KLHL26: variants seen among roughly 807,000 people sequenced by gnomAD.
KLHL26 encodes kelch like family member 26.
Under a neutral mutation model 7.1 loss-of-function variants are expected in KLHL26, and 4 were observed. That is an observed-to-expected ratio of 0.56 (90% CI 0.28 to 1.28). The LOEUF (loss-of-function observed/expected upper bound fraction) is 1.28, where lower values mean the gene tolerates loss of function less well. KLHL26 is among the 50% of genes most tolerant of loss of function. The probability of loss-of-function intolerance (pLI) is 0.11; values close to 1 mark genes in which losing one functional copy is unlikely to be tolerated. For missense variants in KLHL26, 896 were observed against 924.6 expected, an observed-to-expected ratio of 0.97 and a Z score of 0.40; for synonymous variants, 465 against 414.1, an observed-to-expected ratio of 1.12 and a Z score of -1.49.
intron 1 of KLHL26, among the ~76,000 whole-genome samples, chr19:18,654,296 C>T (rs2052302155): frequency 6.7e-6 from 1 of 149,666 alleles, no homozygotes; most frequent in South Asian, 2.1e-4. Flanking sequence ...CATCCACCTG[C>T]CTACCACTAT....
At chr19:18,647,361 C>G (rs537404127) in intron 1 of KLHL26, among the ~76,000 whole-genome samples, 1 of 152,188 alleles carries the variant, frequency 6.6e-6, no homozygotes, top group Admixed American at 6.5e-5. Flanking sequence ...ACCTCCCCCA[C>G]GGCGATTACT....
intron 1 of KLHL26, among the ~76,000 whole-genome samples, chr19:18,663,768 G>A (rs894318384): frequency 4.0e-5 from 6 of 150,506 alleles, no homozygotes; most frequent in African/African-American, 1.2e-4. Flanking sequence ...GGGTGGTGGG[G>A]CTGGAGAAGA....
intron 1 of KLHL26, chr19:18,659,811 T>G (rs1600702738): frequency 6.6e-6 from 1 of 152,246 alleles, no homozygotes; most frequent in Non-Finnish European, 1.5e-5. Flanking sequence ...CTTGTCCCCC[T>G]AGGCAGCCCC....
intron 1 of KLHL26, among the ~76,000 whole-genome samples, chr19:18,641,316 CTTT>C (rs61471216): frequency 1.9e-5 from 2 of 105,136 alleles, no homozygotes; most frequent in Non-Finnish European, 1.9e-5. Context: ...GTTGGGTTGC[CTTT>C]TTTTTTTTTT....
Position 18,671,668 on chromosome 19 carries a change from T to C in KLHL26, c.*2423T>C, listed in dbSNP as rs1291446997. 1.3e-5 allele frequency: 2 copies of C among 152,102 alleles called. No homozygotes were observed. Among genetic ancestry groups the C allele is most frequent in the Non-Finnish European group, 2.9e-5 (2 of 68,018 alleles). The allele number at this position is 152,102 out of a possible 1,614,324, so 9.4% of individuals were successfully genotyped here. A position where few individuals can be genotyped will look rare whatever the true frequency, so the allele number is the denominator to read the frequency against. ...GCATCCCCCCAAGAAAGGAAAATTA[T>C]TTTTCGTATTGTAAACTTTAAACAT... On this transcript the variant is annotated 3_prime_UTR_variant, in exon 3 of 3. Transcript: ENST00000300976.
At position 18,648,652 on chromosome 19, in the gene KLHL26, C is replaced by T. The variant is rs981499905; in HGVS notation, c.83+11515C>T. Among the ~76,000 whole-genome samples the T allele has an allele frequency of 2.0e-5, 3 of 152,282 alleles. No homozygotes were observed. The highest frequency in any genetic ancestry group is 4.8e-5 in the African/African-American group (2 of 41,554). On this transcript the variant is annotated intron_variant, in intron 1 of 2. Coordinates refer to ENST00000300976, the MANE Select transcript of KLHL26 (RefSeq NM_018316.3). This position sits in a 1 kb window ranked among gnomAD's most constrained non-coding sequence, Gnocchi z 4.9. ...TTCATGCCTCTCCTTGCTCAGGGTT[C>T]GTGCCACTTGGAGCTCCCACAGTCC...
At chr19:18,665,259 T>C (rs1051661853) in intron 2 of KLHL26, among the ~76,000 whole-genome samples, 1 of 152,162 alleles carries the variant, frequency 6.6e-6, no homozygotes, top group South Asian at 2.1e-4. Context: ...GGTTTCACCA[T>C]GTTAGCCAGG....
At chr19:18,664,530 C>T (rs1172487555) in intron 2 of KLHL26, 87 bp downstream of exon 2, 3 of 1,106,580 alleles carry the variant, frequency 2.7e-6, no homozygotes, top group African/African-American at 1.6e-5. Context: ...TAAAGGGGGC[C>T]TGTCTCAGCG....
At chr19:18,654,660 TCCACCCATCCACCTATCCATCTAC>T (rs1471603273) in intron 1 of KLHL26, among the ~76,000 whole-genome samples, 1 of 150,522 alleles carries the variant, frequency 6.6e-6, no homozygotes, top group South Asian at 2.1e-4. Flanking sequence ...CACCCTTTCA[TCCACCCATCCACCTATCCATCTAC>T]CCACCCATCT....
intron 1 of KLHL26, among the ~76,000 whole-genome samples, chr19:18,652,109 G>A (rs1345090343): frequency 6.6e-6 from 1 of 152,208 alleles, no homozygotes; most frequent in African/African-American, 2.4e-5. Context: ...GTGGTGGAGG[G>A]AGAAGGGTCT....
At chr19:18,667,016 C>T (rs138572756) in intron 2 of KLHL26, among the ~76,000 whole-genome samples, 9 of 152,198 alleles carry the variant, frequency 5.9e-5, no homozygotes, top group African/African-American at 1.4e-4. Context: ...GAGGCTGACC[C>T]GGGCCACCGC....
chr19:18,667,213 T>C (rs970734741), intron 2 of KLHL26, among the ~76,000 whole-genome samples: 2 of 152,092 alleles, frequency 1.3e-5, no homozygotes, highest in African/African-American at 4.8e-5. Context: ...CAGGCTGCAG[T>C]GCAGCATGAT....
chr19:18,656,635 T>C lies in KLHL26; in HGVS notation c.84-7626T>C, dbSNP rs753404740. Among the ~76,000 whole-genome samples, 44 of 150,870 alleles carry C rather than the reference T, an allele frequency of 2.9e-4. No homozygotes were observed. The highest frequency in any genetic ancestry group is 5.2e-4 in the Non-Finnish European group (35 of 67,854). On this transcript the variant is annotated intron_variant, in intron 1 of 2. Transcript: ENST00000300976. This position sits in a 1 kb window ranked among gnomAD's most constrained non-coding sequence, Gnocchi z 4.4. ...CTTCGCAGGGGTCAGAGGGCATCCA[T>C]GCAGGACGCTGTGTGAGTTGGGCCA... is the stretch of plus-strand genomic sequence containing the variant.
chr19:18,638,602 C>G (rs8100824), intron 1 of KLHL26, among the ~76,000 whole-genome samples: 107,918 of 152,196 alleles, frequency 0.71, 39,365 homozygotes, highest in African/African-American at 0.9. Context: ...AATTGGGTAT[C>G]AGTTGGCAAG....
intron 1 of KLHL26, among the ~76,000 whole-genome samples, chr19:18,658,688 T>C (rs1353667435): frequency 6.6e-6 from 1 of 150,910 alleles, no homozygotes; most frequent in Admixed American, 6.6e-5. Context: ...TCCCTCTTGC[T>C]GGGTCTCTCT....
chr19:18,648,334 C>A lies in KLHL26; in HGVS notation c.83+11197C>A, dbSNP rs1378413967. Among the ~76,000 whole-genome samples, 15 of 152,106 alleles carry A rather than the reference C, an allele frequency of 9.9e-5. No individual in the cohort carries two copies. The highest frequency in any genetic ancestry group is 2.9e-5 in the Non-Finnish European group (2 of 68,014). The stretch of plus-strand genomic sequence containing the variant: ...CACCACTGCACTCCAGCCTGGGCGA[C>A]AAAGTGAGACTCTGTCTCAAAAAAG... On this transcript the variant is annotated intron_variant, in intron 1 of 2. Transcript: ENST00000300976. The surrounding 1 kb of genome is among the most constrained non-coding windows in gnomAD (Gnocchi z 4.9).
At chr19:18,639,519 C>T (rs1442769698) in intron 1 of KLHL26, among the ~76,000 whole-genome samples, 2 of 147,628 alleles carry the variant, frequency 1.4e-5, no homozygotes, top group East Asian at 2.1e-4. Flanking sequence ...AAGCAATTCT[C>T]CTGCCTCAGC....
chr19:18,639,675 G>T (rs1976679656), intron 1 of KLHL26, among the ~76,000 whole-genome samples: 1 of 152,060 alleles, frequency 6.6e-6, no homozygotes, highest in African/African-American at 2.4e-5. Context: ...CTCCCAAAGT[G>T]CTGGGATTAC....
intron 1 of KLHL26, among the ~76,000 whole-genome samples, chr19:18,652,768 G>A (rs998987142): frequency 4.6e-5 from 7 of 152,158 alleles, no homozygotes; most frequent in South Asian, 2.1e-4. Flanking sequence ...GTGTTGGGGC[G>A]TCCCCATCAG....
Sources: gnomAD v4.1 joint callset for allele counts (sites outside exome capture counted in the v4.1 genomes callset) on GRCh38, gnomAD v4.1.1 for gene constraint, Gnocchi (gnomAD v3.1) non-coding constraint, MANE v1.5 for transcripts, NCBI Gene and HGNC (gene_info 2026-07-23, HGNC 2026-07-21) for gene names.